Variants in DNAI7 observed in about 807,000 individuals in gnomAD.
The protein encoded by DNAI7 is dynein axonemal intermediate chain 7.
DNAI7 carries 78 observed loss-of-function variants against 86.6 expected under a neutral mutation model. The observed-to-expected ratio is 0.90, with a 90% CI of 0.75 to 1.09. The LOEUF is 1.09. Among genes scored for constraint, DNAI7 ranks in the 50% least tolerant of loss-of-function variants. The probability of loss-of-function intolerance (pLI) is 0.00; values close to 1 mark genes in which losing one functional copy is unlikely to be tolerated. For synonymous variants in DNAI7, 274 were observed against 273.0 expected (o/e 1.00, Z -0.04); for missense variants, 753 against 810.2 (o/e 0.93, Z 0.86).
At position 25,185,180 on chromosome 12, in the gene DNAI7, GCTTCCATTA is replaced by G. The variant is rs58215778; in HGVS notation, c.21+5425_21+5433del. 3.4e-3 allele frequency among the ~76,000 whole-genome samples: 516 copies of G among 152,072 alleles called. 3 individuals carry two copies. Among genetic ancestry groups the G allele is most frequent in the African/African-American group, 0.012 (482 of 41,482 alleles). On this transcript the variant is annotated intron_variant, in intron 2 of 15. Transcript: ENST00000395987. ...AACAAAAAACAAAAACAGTTGTAGTGCTTCCATTACTTCTTTGGTTTATGTCTTCACTCA... is the reference window on the plus strand; with the variant it reads ...AACAAAAAACAAAAACAGTTGTAGTGCTTCTTTGGTTTATGTCTTCACTCA...
chr12:25,166,718 G>A (rs1302486997), intron 2 of DNAI7, among the ~76,000 whole-genome samples: 3 of 152,028 alleles, frequency 2.0e-5, no homozygotes, highest in African/African-American at 4.8e-5. Context: ...CACAAGAGCC[G>A]GGACCACACC....
At chr12:25,138,855 T>A in intron 9 of DNAI7, among the ~76,000 whole-genome samples, 3 of 142,954 alleles carry the variant, frequency 2.1e-5, no homozygotes, top group South Asian at 2.2e-4. Context: ...ATAGCTAAGA[T>A]CAGAGCAGAA....
At chr12:25,120,566 C>A (rs1592230916) in intron 11 of DNAI7, among the ~76,000 whole-genome samples, 1 of 147,686 alleles carries the variant, frequency 6.8e-6, no homozygotes. Context: ...ACTAAAAATA[C>A]AAAAAAAAAA....
intron 9 of DNAI7, among the ~76,000 whole-genome samples, chr12:25,140,533 C>T (rs994796768): frequency 2.0e-5 from 3 of 152,088 alleles, no homozygotes; most frequent in Non-Finnish European, 4.4e-5. Context: ...ACAAGGAAAA[C>T]TGCAAAACAC....
At chr12:25,181,120 TAA>T (rs896935245) in intron 2 of DNAI7, among the ~76,000 whole-genome samples, 7 of 152,138 alleles carry the variant, frequency 4.6e-5, no homozygotes, top group African/African-American at 1.7e-4. Flanking sequence ...TAATTTTTTT[TAA>T]GAGACAGAGT....
intron 9 of DNAI7, among the ~76,000 whole-genome samples, chr12:25,136,999 A>C (rs1162496168): frequency 1.3e-5 from 2 of 152,262 alleles, no homozygotes; most frequent in African/African-American, 4.8e-5. Flanking sequence ...TTGAAAGAAT[A>C]ATCAAGGAAA....
intron 3 of DNAI7, among the ~76,000 whole-genome samples, chr12:25,160,408 C>T (rs1946706894): frequency 2.0e-5 from 3 of 152,200 alleles, no homozygotes; most frequent in South Asian, 4.1e-4. Flanking sequence ...CGATTACTGA[C>T]TCCACCCTGA....
intron 2 of DNAI7, among the ~76,000 whole-genome samples, chr12:25,166,436 G>A (rs113913009): frequency 0.087 from 13,194 of 151,970 alleles, 1,774 homozygotes; most frequent in African/African-American, 0.29. Flanking sequence ...CTTCATCCCA[G>A]CCTCTCTTCG....
chr12:25,147,127 T>C lies in DNAI7; in HGVS notation c.586-23A>G, dbSNP rs762414496. 5.8e-6 allele frequency: 7 copies of C among 1,199,284 alleles called. No homozygotes were observed. In the African/African-American group the frequency reaches 6.0e-5, roughly 10 times the overall value. 74.3% of individuals were successfully genotyped at this position (1,199,284 alleles called of 1,614,324 possible). On this transcript the variant is annotated intron_variant, in intron 7 of 15. Coordinates refer to ENST00000395987, the MANE Select transcript of DNAI7 (RefSeq NM_018272.5). ...TTGCTGTAAGAGAAAAAGAAAACAT[T>C]ATAAAGGGCCACAGGCCTCATAAAT...
rs936582821 is a variant in DNAI7, at chr12:25,123,314, T to G, written c.1003-28A>C. ...ATAAAAAACCACAGACATATGGGTG[T>G]GATTGTCAGTGTCTACATAGTACAG... is the stretch of plus-strand genomic sequence containing the variant. On this transcript the variant is annotated intron_variant, in intron 9 of 15. Coordinates refer to ENST00000395987, the MANE Select transcript of DNAI7 (RefSeq NM_018272.5). 2.1e-6 allele frequency: 3 copies of G among 1,442,602 alleles called. No homozygotes were observed. In the African/African-American group the frequency reaches 4.2e-5, roughly 20 times the overall value. 89.4% of individuals were successfully genotyped at this position (1,442,602 alleles called of 1,614,324 possible).
chr12:25,177,782 AATT>A (rs904528198), intron 2 of DNAI7, among the ~76,000 whole-genome samples: 37 of 152,192 alleles, frequency 2.4e-4, no homozygotes, highest in African/African-American at 6.3e-4. Flanking sequence ...ACACTCCCAC[AATT>A]ATTATCCAAG....
chr12:25,176,238 T>C (rs73286869), intron 2 of DNAI7, among the ~76,000 whole-genome samples: 28,193 of 152,086 alleles, frequency 0.19, 2,727 homozygotes, highest in Middle Eastern at 0.23. Context: ...CCTAATGTAA[T>C]ATACTTGAAA....
At position 25,147,023 on chromosome 12, in the gene DNAI7, C is replaced by T. The variant is rs762480894; in HGVS notation, c.667G>A (p.Ala223Thr). 3 of 1,593,832 alleles carry T rather than the reference C, an allele frequency of 1.9e-6. No individual in the cohort carries two copies. The highest frequency in any genetic ancestry group is 1.1e-5 in the South Asian group (1 of 90,604). ...TACCTTGGATTCTTCTTGAGGTTTG[C>T]CCACACATACAGAGTAACATTTTCA... Reference protein sequence around the residue: ...KDENVTLYVWANLKKNPRHRS... With the variant: ...KDENVTLYVWTNLKKNPRHRS... The change falls in exon 8 of 16, where the codon GCA becomes ACA. Residue 223 changes from alanine to threonine, a missense_variant. By Grantham distance (58) the Ala-to-Thr change is moderately conservative. Coordinates refer to ENST00000395987, the MANE Select transcript of DNAI7 (RefSeq NM_018272.5).
chr12:25,148,782 A>G (rs1798858898), intron 7 of DNAI7, among the ~76,000 whole-genome samples: 1 of 152,140 alleles, frequency 6.6e-6, no homozygotes, highest in East Asian at 1.9e-4. Context: ...CTAGCCTCTT[A>G]GCTAACGGCA....
intron 3 of DNAI7, among the ~76,000 whole-genome samples, chr12:25,159,366 C>T (rs1290818950): frequency 2.0e-5 from 3 of 150,626 alleles, no homozygotes; most frequent in Non-Finnish European, 4.4e-5. Context: ...TAATTTAAAA[C>T]ATCCATCATC....
Position 25,110,967 on chromosome 12 carries a change from T to C in DNAI7, c.1780-727A>G, listed in dbSNP as rs184107039. 4.3e-4 allele frequency among the ~76,000 whole-genome samples: 66 copies of C among 152,326 alleles called. 1 individual carries two copies. Among genetic ancestry groups the C allele is most frequent in the African/African-American group, 1.6e-3 (65 of 41,578 alleles). ...TATTCTGAAAGCATGAGCAGAACAC[T>C]ACATTCAACAATGTAGAGTAACAGG... is the stretch of plus-strand genomic sequence containing the variant. On this transcript the variant is annotated intron_variant, in intron 14 of 15. Coordinates refer to ENST00000395987, the MANE Select transcript of DNAI7 (RefSeq NM_018272.5).
chr12:25,126,326 G>A (rs1027180708), intron 9 of DNAI7, among the ~76,000 whole-genome samples: 1 of 152,126 alleles, frequency 6.6e-6, no homozygotes, highest in Non-Finnish European at 1.5e-5. Flanking sequence ...CTCATAAAAG[G>A]CCTTCAGTAG....
chr12:25,164,643 G>A (rs951704293), intron 2 of DNAI7, among the ~76,000 whole-genome samples: 1 of 152,030 alleles, frequency 6.6e-6, no homozygotes, highest in Non-Finnish European at 1.5e-5. Context: ...GGTGCCTGAC[G>A]TCCAGGCATT....
At chr12:25,153,179 T>C (rs1227433149) in intron 6 of DNAI7, among the ~76,000 whole-genome samples, 2 of 152,180 alleles carry the variant, frequency 1.3e-5, no homozygotes, top group Non-Finnish European at 2.9e-5. Context: ...CCTAGCACTT[T>C]GGGAAGCTGA....
Sources: gnomAD v4.1 joint callset for allele counts (sites outside exome capture counted in the v4.1 genomes callset) on GRCh38, gnomAD v4.1.1 for gene constraint, MANE v1.5 for transcripts, NCBI Gene and HGNC (gene_info 2026-07-23, HGNC 2026-07-21) for gene names.